The following PLXNA2 variants were observed in gnomAD, a reference collection of about 807,000 sequenced individuals.
PLXNA2 encodes plexin A2.
A neutral mutation model predicts 193.5 loss-of-function variants in PLXNA2; 91 were observed. That is an observed-to-expected ratio of 0.47 (90% CI 0.40 to 0.56). The LOEUF is 0.56. Ranked by LOEUF, PLXNA2 falls within the 20% of genes least tolerant of loss-of-function variation. PLXNA2 has a pLI of 0.00. For missense variants in PLXNA2, 1,995 were observed against 2,503.2 expected, an observed-to-expected ratio of 0.80 and a Z score of 4.33; for synonymous variants, 997 against 1,027.3, an observed-to-expected ratio of 0.97 and a Z score of 0.56.
intron 3 of PLXNA2, 151 bp from the exon 4 acceptor site, chr1:208,142,614 C>A: frequency 1.5e-6 from 1 of 676,134 alleles, no homozygotes; most frequent in Admixed American, 3.0e-5. Flanking sequence ...TTTAAACAGC[C>A]CAATTTCCAC....
At chr1:208,084,828 A>G (rs1666458953) in intron 9 of PLXNA2, among the ~76,000 whole-genome samples, 1 of 152,232 alleles carries the variant, frequency 6.6e-6, no homozygotes, top group South Asian at 2.1e-4. Flanking sequence ...ATTTTCAAGC[A>G]CAGTGTGGCA....
chr1:208,174,867 G>A (rs1054225822), intron 3 of PLXNA2, among the ~76,000 whole-genome samples: 1 of 152,182 alleles, frequency 6.6e-6, no homozygotes, highest in Non-Finnish European at 1.5e-5. Flanking sequence ...GAAATTCCCC[G>A]AGGAAATGAG....
chr1:208,185,645 C>T (rs904932059), intron 3 of PLXNA2, among the ~76,000 whole-genome samples: 11 of 126,792 alleles, frequency 8.7e-5, no homozygotes, highest in Non-Finnish European at 1.6e-4. Flanking sequence ...AAACACAACT[C>T]GATTTCCTGA....
intron 1 of PLXNA2, among the ~76,000 whole-genome samples, chr1:208,237,559 G>T (rs973883863): frequency 6.6e-6 from 1 of 152,192 alleles, no homozygotes; most frequent in Admixed American, 6.5e-5. Context: ...AAAATCCTCA[G>T]AGAAGAACGA....
At chr1:208,086,783 T>C (rs1469086079) in intron 9 of PLXNA2, among the ~76,000 whole-genome samples, 1 of 79,238 alleles carries the variant, frequency 1.3e-5, no homozygotes, top group Non-Finnish European at 2.6e-5. Flanking sequence ...TTCATATATT[T>C]ATAGCCAAAA....
chr1:208,211,601 G>A (rs554445864), intron 2 of PLXNA2, among the ~76,000 whole-genome samples: 1 of 152,100 alleles, frequency 6.6e-6, no homozygotes, highest in African/African-American at 2.4e-5. Context: ...GCTGAGGTGG[G>A]AGAATCGCCT....
chr1:208,157,311 G>A (rs1433983006), intron 3 of PLXNA2, among the ~76,000 whole-genome samples: 1 of 152,128 alleles, frequency 6.6e-6, no homozygotes, highest in Non-Finnish European at 1.5e-5. Context: ...TTCTAAGACA[G>A]TTATCATTCC....
At chr1:208,152,778 A>C (rs1022761868) in intron 3 of PLXNA2, among the ~76,000 whole-genome samples, 3 of 151,472 alleles carry the variant, frequency 2.0e-5, no homozygotes, top group Non-Finnish European at 4.4e-5. Context: ...TTTGTCATTC[A>C]GGAGTCTAGC....
chr1:208,096,668 C>G, intron 7 of PLXNA2, 62 bp downstream of exon 7: 1 of 1,579,428 alleles, frequency 6.3e-7, no homozygotes, highest in South Asian at 1.2e-5. Flanking sequence ...TTCTTGTGAC[C>G]CCCAGCTCCC....
At chr1:208,155,924 G>A (rs1193889753) in intron 3 of PLXNA2, among the ~76,000 whole-genome samples, 1 of 152,194 alleles carries the variant, frequency 6.6e-6, no homozygotes, top group Non-Finnish European at 1.5e-5. Flanking sequence ...CAGGAAATGT[G>A]GGAGTTAATG....
In PLXNA2 at chr1:208,039,905, G is replaced by A. The variant is rs1054628703; in HGVS notation, c.4353+87C>T. The A allele has an allele frequency of 2.2e-5, 34 of 1,578,650 alleles. 1 individual carries two copies. In the Admixed American group the frequency reaches 5.7e-4, roughly 26 times the overall value. On this transcript the variant is annotated intron_variant, in intron 23 of 31. Transcript: ENST00000367033. The stretch of plus-strand genomic sequence containing the variant: ...TCCAGGTTCCTGCTCCCGAGGGAGG[G>A]GGTCCCCATGCAGCCCTGTGGCCAG...
In PLXNA2 at chr1:208,210,461, G is replaced by T; in HGVS notation, c.1190C>A (p.Pro397His). 1 of 1,609,422 alleles carries T rather than the reference G, an allele frequency of 6.2e-7. No individual in the cohort carries two copies. The highest frequency in any genetic ancestry group is 8.5e-7 in the Non-Finnish European group (1 of 1,176,572). The part of the protein sequence containing the change: ...LGKDVQCTKA[P>H]VPIDDNFCGL... The stretch of plus-strand genomic sequence containing the variant: ...ACAGAAGTTATCATCGATGGGGACA[G>T]GCTGGAGGGAAGCGGAAGGAATTGG... The change falls in exon 3 of 32, where the codon CCT becomes CAT. Residue 397 changes from proline to histidine, a missense_variant and splice_region_variant. Transcript: ENST00000367033.
intron 27 of PLXNA2, 123 bp downstream of exon 27, chr1:208,034,370 G>A: frequency 1.5e-6 from 1 of 663,604 alleles, no homozygotes; most frequent in Non-Finnish European, 2.7e-6. Flanking sequence ...CCAACTGGCA[G>A]GAGCCTGTGA....
chr1:208,057,751 G>A (rs921284609), intron 13 of PLXNA2, among the ~76,000 whole-genome samples: 11 of 152,172 alleles, frequency 7.2e-5, no homozygotes, highest in Admixed American at 2.6e-4. Context: ...GGACCAAACA[G>A]CCATCCAGCT....
chr1:208,040,103 T>A, intron 22 of PLXNA2, 45 bp from the exon 23 acceptor site: 5 of 1,503,776 alleles, frequency 3.3e-6, no homozygotes, highest in Non-Finnish European at 4.6e-6. Flanking sequence ...CACAGAGGGG[T>A]CTCCGTGGTG....
chr1:208,149,540 ATGTGTGTATAAGTGTGG>A (rs1189826101), intron 3 of PLXNA2, among the ~76,000 whole-genome samples: 5 of 150,672 alleles, frequency 3.3e-5, no homozygotes, highest in African/African-American at 4.9e-5. Context: ...TGTATGCAGT[ATGTGTGTATAAGTGTGG>A]TGTGTGTATA....
In PLXNA2 at chr1:208,192,013, C is replaced by T. The variant is rs149319780; in HGVS notation, c.1371+18267G>A. ...CCCTTGCCTCATGGTGGGAGTAAGA[C>T]CCACCCAGCTGATGGGACTCCTACC... On this transcript the variant is annotated intron_variant, in intron 3 of 31. Transcript: ENST00000367033. Among the ~76,000 whole-genome samples the T allele has an allele frequency of 2.9e-3, 448 of 152,284 alleles. 1 individual carries two copies. The highest frequency in any genetic ancestry group is 5.9e-3 in the Admixed American group (90 of 15,304).
chr1:208,231,207 G>A (rs1378568438), intron 1 of PLXNA2, among the ~76,000 whole-genome samples: 1 of 152,014 alleles, frequency 6.6e-6, no homozygotes, highest in African/African-American at 2.4e-5. Flanking sequence ...GGAGCAGGGT[G>A]GGAATGGCAG....
intron 3 of PLXNA2, among the ~76,000 whole-genome samples, chr1:208,171,491 A>T (rs1009645922): frequency 3.9e-5 from 6 of 152,200 alleles, no homozygotes; most frequent in Non-Finnish European, 7.3e-5. Flanking sequence ...AACTTGCCTA[A>T]GTTACCTAAC....
Sources: gnomAD v4.1 joint callset for allele counts (sites outside exome capture counted in the v4.1 genomes callset) on GRCh38, gnomAD v4.1.1 for gene constraint, MANE v1.5 for transcripts, NCBI Gene and HGNC (gene_info 2026-07-23, HGNC 2026-07-21) for gene names.